The following TLN2 variants were observed in gnomAD, a reference collection of about 807,000 sequenced individuals.
TLN2 encodes the protein talin 2.
TLN2 carries 118 observed loss-of-function variants against 294.7 expected under a neutral mutation model. That is an observed-to-expected ratio of 0.40 (90% CI 0.34 to 0.47). The LOEUF is 0.47. TLN2 is among the 20% of genes least tolerant of loss of function. The pLI, the probability that TLN2 is intolerant of heterozygous loss-of-function variation, is 0.84. For synonymous variants in TLN2, 1,431 were observed against 1,304.5 expected, an observed-to-expected ratio of 1.10 and a Z score of -2.09; for missense variants, 3,083 against 3,282.2, an observed-to-expected ratio of 0.94 and a Z score of 1.48.
At chr15:62,528,243 A>G (rs1596022116) in intron 1 of TLN2, among the ~76,000 whole-genome samples, 1 of 152,166 alleles carries the variant, frequency 6.6e-6, no homozygotes, top group African/African-American at 2.4e-5. Flanking sequence ...CATTTCCTGT[A>G]TTTGTCATAG....
intron 54 of TLN2, chr15:62,832,256 T>C (rs980318977): frequency 3.3e-5 from 5 of 152,150 alleles, no homozygotes; most frequent in African/African-American, 1.2e-4. Context: ...CACTTAAAAT[T>C]GGATAAAAGG....
intron 14 of TLN2, among the ~76,000 whole-genome samples, chr15:62,696,198 T>C (rs2058320923): frequency 6.6e-6 from 1 of 152,220 alleles, no homozygotes; most frequent in Non-Finnish European, 1.5e-5. Flanking sequence ...AGCCTTGCTC[T>C]GGGCAACAGG....
chr15:62,414,536 G>T lies in TLN2; in HGVS notation c.-238+23851G>T, dbSNP rs528038454. 2.1e-5 allele frequency among the ~76,000 whole-genome samples: 3 copies of T among 140,386 alleles called. 1 individual carries two copies. In the East Asian group the frequency reaches 1.1e-3, roughly 50 times the overall value. The allele number at this position is 140,386 out of a possible 152,430, so 92.1% of individuals were successfully genotyped here. A position where few individuals can be genotyped will look rare whatever the true frequency, so the allele number is the denominator to read the frequency against. Reference sequence around the variant, plus strand: ...CCCAAACTACTGAACCATACGCTCTGGGCTGGGGCTCAGGAACCGTTGTTT... The same window carrying T: ...CCCAAACTACTGAACCATACGCTCTTGGCTGGGGCTCAGGAACCGTTGTTT... On this transcript the variant is annotated intron_variant, in intron 1 of 58. Transcript: ENST00000636159.
chr15:62,755,411 A>T (rs569726352), intron 36 of TLN2, 121 bp from the exon 37 acceptor site: 2 of 1,253,722 alleles, frequency 1.6e-6, no homozygotes, highest in East Asian at 5.3e-5. Flanking sequence ...AGAACTAGAC[A>T]TGCTTGTAAT....
chr15:62,679,834 G>A (rs932310498), intron 11 of TLN2, among the ~76,000 whole-genome samples: 16 of 152,298 alleles, frequency 1.1e-4, no homozygotes, highest in African/African-American at 3.9e-4. Flanking sequence ...AGCATTACAT[G>A]TACTTGTGTG....
chr15:62,721,999 T>C (rs943818890), intron 25 of TLN2, among the ~76,000 whole-genome samples: 1 of 152,180 alleles, frequency 6.6e-6, no homozygotes, highest in African/African-American at 2.4e-5. Flanking sequence ...GTCTTTTGAG[T>C]GTACGTGAGA....
intron 32 of TLN2, among the ~76,000 whole-genome samples, chr15:62,741,748 C>CGCGCGCGTGTGT: frequency 2.3e-5 from 3 of 131,066 alleles, no homozygotes; most frequent in Non-Finnish European, 3.2e-5. Flanking sequence ...AAAATTTGCG[C>CGCGCGCGTGTGT]GTGTGTGTGT....
chr15:62,598,183 A>T (rs2046695860), intron 2 of TLN2, among the ~76,000 whole-genome samples: 1 of 152,206 alleles, frequency 6.6e-6, no homozygotes, highest in African/African-American at 2.4e-5. Context: ...CTGACATTTC[A>T]CACACAAAGA....
intron 3 of TLN2, chr15:62,640,027 C>G (rs2050833650): frequency 2.5e-6 from 1 of 397,846 alleles, no homozygotes; most frequent in Non-Finnish European, 5.0e-6. Flanking sequence ...TGCCTGGAGT[C>G]TGAATGTTCA....
intron 22 of TLN2, among the ~76,000 whole-genome samples, chr15:62,712,946 AT>A (rs1485661444): frequency 6.6e-6 from 1 of 152,168 alleles, no homozygotes; most frequent in East Asian, 1.9e-4. Flanking sequence ...CCTCAAAATA[AT>A]ATTTTAAATG....
intron 2 of TLN2, among the ~76,000 whole-genome samples, chr15:62,606,460 A>T (rs951551757): frequency 6.6e-6 from 1 of 152,194 alleles, no homozygotes; most frequent in African/African-American, 2.4e-5. Context: ...GTGGTTTAAC[A>T]GTAAAAAAGT....
intron 1 of TLN2, among the ~76,000 whole-genome samples, chr15:62,504,080 G>A (rs1233285233): frequency 6.6e-6 from 1 of 152,184 alleles, no homozygotes; most frequent in Non-Finnish European, 1.5e-5. Flanking sequence ...AAATTATTTT[G>A]CAGAGATTTG....
intron 2 of TLN2, among the ~76,000 whole-genome samples, chr15:62,610,798 A>T (rs2047849976): frequency 6.6e-6 from 1 of 152,194 alleles, no homozygotes; most frequent in African/African-American, 2.4e-5. Context: ...AAATTTTAAC[A>T]TGTGGATTTG....
intron 1 of TLN2, among the ~76,000 whole-genome samples, chr15:62,492,355 G>C (rs1195356409): frequency 2.0e-5 from 3 of 151,636 alleles, no homozygotes; most frequent in African/African-American, 7.3e-5. Flanking sequence ...TCAGGAGATC[G>C]AGACCATCCT....
chr15:62,703,615 ACACACACG>A (rs1415462373), intron 19 of TLN2, among the ~76,000 whole-genome samples: 1 of 103,678 alleles, frequency 9.6e-6, no homozygotes, highest in African/African-American at 3.5e-5. Flanking sequence ...ACACACACAC[ACACACACG>A]CGCGCACACA....
At chr15:62,575,637 G>C (rs115917958) in intron 1 of TLN2, among the ~76,000 whole-genome samples, 4,208 of 151,842 alleles carry the variant, frequency 0.028, 198 homozygotes, top group African/African-American at 0.097. Flanking sequence ...CACACACACA[G>C]AAAAATTAGT....
chr15:62,491,064 G>A (rs1234933515), intron 1 of TLN2, among the ~76,000 whole-genome samples: 3 of 152,074 alleles, frequency 2.0e-5, no homozygotes, highest in Non-Finnish European at 2.9e-5. Flanking sequence ...GCTCACGCCT[G>A]TAATCCCAGC....
chr15:62,427,334 C>A (rs2034769463), intron 1 of TLN2, among the ~76,000 whole-genome samples: 2 of 152,144 alleles, frequency 1.3e-5, no homozygotes. Context: ...ACAGAAAATT[C>A]TGTCTACTTG....
intron 40 of TLN2, among the ~76,000 whole-genome samples, chr15:62,765,397 A>C (rs1159088980): frequency 1.3e-5 from 2 of 150,864 alleles, no homozygotes; most frequent in Admixed American, 6.6e-5. Context: ...CTCTGCCCGC[A>C]TCCCTCCCGG....
Sources: gnomAD v4.1 joint callset for allele counts (sites outside exome capture counted in the v4.1 genomes callset) on GRCh38, gnomAD v4.1.1 for gene constraint, MANE v1.5 for transcripts, NCBI Gene and HGNC (gene_info 2026-07-23, HGNC 2026-07-21) for gene names.